CDKL4: variants seen among roughly 807,000 people sequenced by gnomAD.
CDKL4 encodes cyclin dependent kinase like 4.
In CDKL4, 44 loss-of-function variants were observed where a neutral mutation model predicts 42.0. The observed-to-expected ratio is 1.05, with a 90% CI of 0.82 to 1.35. The LOEUF is 1.35. Ranked by LOEUF, CDKL4 falls within the 40% of genes most tolerant of loss-of-function variation. CDKL4 has a pLI of 0.00. For synonymous variants in CDKL4, 120 were observed against 121.6 expected (o/e 0.99, Z 0.09); for missense variants, 393 against 369.9 (o/e 1.06, Z -0.51).
chr2:39,174,399 C>CAA (rs34376013), downstream of CDKL4, among the ~76,000 whole-genome samples: 365 of 143,546 alleles, frequency 2.5e-3, no homozygotes, highest in Non-Finnish European at 3.8e-3. Flanking sequence ...GACCCTGTCT[C>CAA]AAAAAAAAAA....
intron 8 of CDKL4, among the ~76,000 whole-genome samples, chr2:39,179,636 C>A (rs1371201006): frequency 6.6e-6 from 1 of 152,210 alleles, no homozygotes; most frequent in African/African-American, 2.4e-5. Flanking sequence ...AGAGTATAGT[C>A]CCTGGACTAA....
chr2:39,232,585 T>C (rs1194576363), intron 1 of CDKL4, among the ~76,000 whole-genome samples: 2 of 152,180 alleles, frequency 1.3e-5, no homozygotes, highest in Admixed American at 6.5e-5. Context: ...TCAAGGTACA[T>C]GTGGTGGGGG....
intron 2 of CDKL4, among the ~76,000 whole-genome samples, chr2:39,226,465 T>TAA (rs1491573672): frequency 9.7e-6 from 1 of 102,768 alleles, no homozygotes; most frequent in African/African-American, 2.8e-5. Context: ...ATTATATATA[T>TAA]TATATATATA....
intron 1 of CDKL4, among the ~76,000 whole-genome samples, chr2:39,235,418 G>A (rs1679317335): frequency 6.6e-6 from 1 of 152,114 alleles, no homozygotes; most frequent in African/African-American, 2.4e-5. Context: ...TATGTTAAAA[G>A]AATGAAGAGG....
intron 4 of CDKL4, among the ~76,000 whole-genome samples, chr2:39,209,195 C>T (rs1170471404): frequency 2.0e-5 from 3 of 151,582 alleles, no homozygotes; most frequent in African/African-American, 7.3e-5. Flanking sequence ...TGCCATAGTC[C>T]CAGTTCCTTG....
chr2:39,181,242 T>C (rs142919952), intron 8 of CDKL4, among the ~76,000 whole-genome samples: 2 of 152,206 alleles, frequency 1.3e-5, no homozygotes, highest in African/African-American at 4.8e-5. Flanking sequence ...TCCTCCCTCC[T>C]GGCCACTCCT....
intron 3 of CDKL4, among the ~76,000 whole-genome samples, chr2:39,223,915 G>T (rs576594097): frequency 6.6e-6 from 1 of 152,172 alleles, no homozygotes; most frequent in African/African-American, 2.4e-5. Flanking sequence ...CTTTTTTAAT[G>T]ATTTGCTTCC....
downstream of CDKL4, among the ~76,000 whole-genome samples, chr2:39,171,927 T>C (rs548323526): frequency 2.6e-5 from 4 of 152,156 alleles, no homozygotes; most frequent in Non-Finnish European, 4.4e-5. Context: ...ATCCAGAAAC[T>C]GCACAAGAGC....
intron 3 of CDKL4, among the ~76,000 whole-genome samples, chr2:39,221,719 A>G (rs1678383381): frequency 6.6e-6 from 1 of 152,190 alleles, no homozygotes; most frequent in South Asian, 2.1e-4. Context: ...TGGCATTGCA[A>G]AACACATATT....
At chr2:39,177,639 G>A (rs897795814) in intron 9 of CDKL4, among the ~76,000 whole-genome samples, 1 of 147,212 alleles carries the variant, frequency 6.8e-6, no homozygotes, top group African/African-American at 2.5e-5. Context: ...TCCTGACCGA[G>A]TGATCCACCC....
At chr2:39,181,515 T>C (rs536477340) in intron 8 of CDKL4, among the ~76,000 whole-genome samples, 37 of 152,134 alleles carry the variant, frequency 2.4e-4, no homozygotes, top group Non-Finnish European at 4.3e-4. Context: ...AAGGTCACTG[T>C]TATGGGTTGA....
At chr2:39,170,099 A>G in the CDKL4 span, among the ~76,000 whole-genome samples, 2 of 152,014 alleles carry the variant, frequency 1.3e-5, no homozygotes, top group Non-Finnish European at 2.9e-5. Context: ...CCTGGGCTCA[A>G]GCAATTCACC....
chr2:39,200,300 C>G (rs934593179), intron 5 of CDKL4, among the ~76,000 whole-genome samples: 2 of 151,638 alleles, frequency 1.3e-5, no homozygotes, highest in Non-Finnish European at 2.9e-5. Flanking sequence ...AAGACCTCTA[C>G]AAGGAAAACT....
At chr2:39,232,384 G>A (rs1679128765) in intron 1 of CDKL4, among the ~76,000 whole-genome samples, 1 of 152,114 alleles carries the variant, frequency 6.6e-6, no homozygotes, top group Non-Finnish European at 1.5e-5. Context: ...AGAGTTTCTG[G>A]AGGCAGTAAT....
At chr2:39,220,995 T>G (rs751689655) in intron 3 of CDKL4, among the ~76,000 whole-genome samples, 5,793 of 57,118 alleles carry the variant, frequency 0.1, 235 homozygotes, top group Non-Finnish European at 0.17. Context: ...TTTTTTTTTT[T>G]TTTTTGTTTT....
At chr2:39,204,399 T>G in intron 5 of CDKL4, 128 bp downstream of exon 5, 2 of 667,286 alleles carry the variant, frequency 3.0e-6, no homozygotes, top group Non-Finnish European at 2.6e-6. Flanking sequence ...AAGGCTAAAG[T>G]GAGATTTTCC....
At chr2:39,174,777 T>C (rs1316248448), downstream of CDKL4, among the ~76,000 whole-genome samples, 2 of 152,224 alleles carry the variant, frequency 1.3e-5, no homozygotes, top group Non-Finnish European at 2.9e-5. Flanking sequence ...TTTATATGAG[T>C]TCCTTGTTAG....
At chr2:39,246,837 G>C (rs919740377), upstream of CDKL4, among the ~76,000 whole-genome samples, 9 of 151,908 alleles carry the variant, frequency 5.9e-5, no homozygotes, top group Non-Finnish European at 1.2e-4. Flanking sequence ...TCAAACTCTT[G>C]GGCTCAAGTG....
intron 8 of CDKL4, among the ~76,000 whole-genome samples, chr2:39,181,639 A>C (rs1675442828): frequency 6.6e-6 from 1 of 152,210 alleles, no homozygotes; most frequent in Non-Finnish European, 1.5e-5. Flanking sequence ...CAAGGTCATA[A>C]TGGCATGGAG....
Sources: allele counts gnomAD v4.1 joint callset (sites outside exome capture counted in the v4.1 genomes callset), GRCh38; gene constraint gnomAD v4.1.1; transcripts MANE v1.5; gene names NCBI Gene and HGNC (gene_info 2026-07-23, HGNC 2026-07-21).